SORCS1: variants seen among roughly 807,000 people sequenced by gnomAD.
SORCS1 encodes VPS10 domain-containing receptor SorCS1.
Under a neutral mutation model 146.1 loss-of-function variants are expected in SORCS1, and 60 were observed. That is an observed-to-expected ratio of 0.41 (90% CI 0.33 to 0.51). The LOEUF (loss-of-function observed/expected upper bound fraction) is 0.51, where lower values mean the gene tolerates loss of function less well. SORCS1 is among the 20% of genes least tolerant of loss of function. The pLI, the probability that SORCS1 is intolerant of heterozygous loss-of-function variation, is 0.21. For missense variants in SORCS1, 1,352 were observed against 1,487.6 expected, an observed-to-expected ratio of 0.91 and a Z score of 1.50; for synonymous variants, 637 against 584.0, an observed-to-expected ratio of 1.09 and a Z score of -1.31.
chr10:107,176,145 T>TA, the SORCS1 span, among the ~76,000 whole-genome samples: 9 of 152,188 alleles, frequency 5.9e-5, no homozygotes, highest in African/African-American at 2.2e-4. Context: ...GTTTAACTTT[T>TA]AAAATATCTC....
chr10:106,590,245 T>G (rs1378877014), intron 24 of SORCS1, among the ~76,000 whole-genome samples: 1 of 152,192 alleles, frequency 6.6e-6, no homozygotes, highest in African/African-American at 2.4e-5. Flanking sequence ...AGACTCAGCT[T>G]TACTGAATCT....
intron 2 of SORCS1, among the ~76,000 whole-genome samples, chr10:106,851,789 G>C (rs1253156426): frequency 6.6e-6 from 1 of 152,208 alleles, no homozygotes; most frequent in African/African-American, 2.4e-5. Context: ...ATCAAGTTGA[G>C]AAGAACTGAC....
At chr10:106,835,697 A>T (rs1168375801) in intron 2 of SORCS1, among the ~76,000 whole-genome samples, 1 of 152,160 alleles carries the variant, frequency 6.6e-6, no homozygotes, top group Non-Finnish European at 1.5e-5. Context: ...TTCTGAATAG[A>T]CCATTATGCT....
chr10:106,992,547 T>C (rs1956808199), intron 1 of SORCS1, among the ~76,000 whole-genome samples: 1 of 151,998 alleles, frequency 6.6e-6, no homozygotes, highest in Non-Finnish European at 1.5e-5. Flanking sequence ...GGTACTGGAG[T>C]GCAGTGGCAC....
At chr10:106,736,370 C>A (rs1414905845) in intron 5 of SORCS1, among the ~76,000 whole-genome samples, 1 of 152,232 alleles carries the variant, frequency 6.6e-6, no homozygotes, top group African/African-American at 2.4e-5. Context: ...GAGGAGGGAC[C>A]TGCAGAGGAA....
intron 1 of SORCS1, among the ~76,000 whole-genome samples, chr10:106,999,272 T>A (rs1322528893): frequency 6.6e-6 from 1 of 151,884 alleles, no homozygotes; most frequent in Non-Finnish European, 1.5e-5. Context: ...CACACACAGA[T>A]GCACACACAC....
At chr10:106,817,255 G>A (rs1206269727) in intron 3 of SORCS1, among the ~76,000 whole-genome samples, 2 of 152,186 alleles carry the variant, frequency 1.3e-5, no homozygotes, top group African/African-American at 4.8e-5. Context: ...AGTTGGATGG[G>A]TTTGGCTCCT....
chr10:106,675,774 G>A (rs1000494739), intron 13 of SORCS1, among the ~76,000 whole-genome samples: 6 of 152,118 alleles, frequency 3.9e-5, no homozygotes, highest in African/African-American at 1.4e-4. Flanking sequence ...TTAGAAGGTG[G>A]AGACCTTGGG....
chr10:106,980,604 T>A (rs1425813285), intron 1 of SORCS1, among the ~76,000 whole-genome samples: 1 of 152,140 alleles, frequency 6.6e-6, no homozygotes, highest in African/African-American at 2.4e-5. Flanking sequence ...GGCTTAGAAA[T>A]TTTTCTGCCA....
intron 1 of SORCS1, among the ~76,000 whole-genome samples, chr10:107,100,363 A>T (rs1179033902): frequency 6.6e-6 from 1 of 151,912 alleles, no homozygotes; most frequent in Non-Finnish European, 1.5e-5. Context: ...AATACAAAAA[A>T]CTTAGCTGGG....
intron 1 of SORCS1, among the ~76,000 whole-genome samples, chr10:107,114,412 T>G (rs1344318237): frequency 6.6e-6 from 1 of 152,042 alleles, no homozygotes; most frequent in Non-Finnish European, 1.5e-5. Context: ...AGAAGCACAT[T>G]AAAAGGATCA....
At position 106,618,198 on chromosome 10, in the gene SORCS1, G is replaced by A; in HGVS notation, c.2871C>T (p.Val957=). The A allele has an allele frequency of 6.2e-7, 1 of 1,614,106 alleles. No homozygotes were observed. The highest frequency in any genetic ancestry group is 8.5e-7 in the Non-Finnish European group (1 of 1,179,984). Reference sequence around the variant, plus strand: ...CTTGTAGGATGGCATTCCCAGCTGAGACCTGCACTGTGATGGTATTCATTC... The same window carrying A: ...CTTGTAGGATGGCATTCCCAGCTGAAACCTGCACTGTGATGGTATTCATTC... ...SEGMNTITVQ[V]SAGNAILQDT... The change falls in exon 21 of 26, where the codon GTC becomes GTT. Residue 957 remains valine (V), a synonymous_variant. Coordinates refer to ENST00000263054, the MANE Select transcript of SORCS1 (RefSeq NM_052918.5).
In SORCS1 at chr10:107,037,012, G is replaced by A. The variant is rs930200607; in HGVS notation, c.559-80432C>T. 5.9e-5 allele frequency among the ~76,000 whole-genome samples: 9 copies of A among 152,206 alleles called. No homozygotes were observed. The East Asian group carries it at 1.2e-3, about 20-fold the overall frequency. On this transcript the variant is annotated intron_variant, in intron 1 of 25. Transcript: ENST00000263054. Reference sequence around the variant, plus strand: ...TGTAATCCCAGCACTTTGGGAGGCCGAGGCAGGTGGATCATCTGAGGTCGG... The same window carrying A: ...TGTAATCCCAGCACTTTGGGAGGCCAAGGCAGGTGGATCATCTGAGGTCGG...
At chr10:106,875,605 C>G (rs564331731) in intron 2 of SORCS1, among the ~76,000 whole-genome samples, 23 of 152,234 alleles carry the variant, frequency 1.5e-4, no homozygotes, top group African/African-American at 4.1e-4. Context: ...TCCCCTTTCA[C>G]CATATTCATA....
intron 10 of SORCS1, among the ~76,000 whole-genome samples, chr10:106,680,170 C>G (rs540949160): frequency 6.6e-6 from 1 of 152,158 alleles, no homozygotes; most frequent in South Asian, 2.1e-4. Flanking sequence ...GTGCCTGAAG[C>G]AAAGATGGAT....
intron 3 of SORCS1, among the ~76,000 whole-genome samples, chr10:106,818,215 T>C (rs1390002138): frequency 6.6e-6 from 1 of 152,190 alleles, no homozygotes; most frequent in Admixed American, 6.5e-5. Context: ...ATATATCAAA[T>C]CTATAATGTG....
chr10:107,014,245 C>A (rs1463834241), intron 1 of SORCS1, among the ~76,000 whole-genome samples: 2 of 130,114 alleles, frequency 1.5e-5, no homozygotes, highest in African/African-American at 3.1e-5. Context: ...CAGAGGGAGA[C>A]CCTGCGTCAA....
the SORCS1 span, among the ~76,000 whole-genome samples, chr10:107,178,105 C>A: frequency 6.6e-6 from 1 of 152,164 alleles, no homozygotes; most frequent in South Asian, 2.1e-4. Flanking sequence ...CCATAGCACA[C>A]TTTTACCTAT....
chr10:107,176,315 T>TTC, the SORCS1 span, among the ~76,000 whole-genome samples: 2 of 70,946 alleles, frequency 2.8e-5, no homozygotes, highest in Admixed American at 1.2e-4. Flanking sequence ...CTCTCTTTCT[T>TTC]TCTCTCTCTC....
Sources: allele counts gnomAD v4.1 joint callset (sites outside exome capture counted in the v4.1 genomes callset), GRCh38; gene constraint gnomAD v4.1.1; transcripts MANE v1.5; gene names NCBI Gene and HGNC (gene_info 2026-07-23, HGNC 2026-07-21).